The following ADCK1 variants were observed in gnomAD, a reference collection of about 807,000 sequenced individuals.
The protein encoded by ADCK1 is aarF domain containing kinase 1, also known as aarF domain-containing protein kinase 1.
ADCK1 carries 41 observed loss-of-function variants against 52.3 expected under a neutral mutation model. The ratio of observed to expected loss-of-function variants is 0.78; its 90% CI spans 0.61 to 1.02. ADCK1 has a LOEUF of 1.02. ADCK1 is among the 50% of genes least tolerant of loss of function. The probability of loss-of-function intolerance (pLI) is 0.00; values close to 1 mark genes in which losing one functional copy is unlikely to be tolerated. For missense variants in ADCK1, 658 were observed against 679.5 expected (o/e 0.97, Z 0.35); for synonymous variants, 250 against 274.6 (o/e 0.91, Z 0.89).
chr14:77,807,653 G>T (rs1202789264), intron 1 of ADCK1, among the ~76,000 whole-genome samples: 1 of 151,856 alleles, frequency 6.6e-6, no homozygotes, highest in Non-Finnish European at 1.5e-5. Context: ...GGGATTACAG[G>T]CATGTGCCAC....
intron 7 of ADCK1, among the ~76,000 whole-genome samples, chr14:77,918,126 T>C (rs1427246935): frequency 6.6e-6 from 1 of 152,210 alleles, no homozygotes; most frequent in Admixed American, 6.5e-5. Flanking sequence ...TTATTTGTCA[T>C]GCTGGACCCC....
intron 3 of ADCK1, among the ~76,000 whole-genome samples, chr14:77,828,807 G>A (rs955454427): frequency 1.3e-5 from 2 of 152,034 alleles, no homozygotes; most frequent in Non-Finnish European, 2.9e-5. Flanking sequence ...GATTACAGGC[G>A]TGAGCCACTG....
At chr14:77,840,300 G>T (rs2082040144) in intron 3 of ADCK1, among the ~76,000 whole-genome samples, 1 of 151,778 alleles carries the variant, frequency 6.6e-6, no homozygotes, top group Admixed American at 6.6e-5. Flanking sequence ...CAGCAGAGCT[G>T]CGATTCTTCT....
At chr14:77,894,733 C>CTTTTTTTTTTTTTTTTTTTTTTTT (rs1566710773) in intron 5 of ADCK1, among the ~76,000 whole-genome samples, 3 of 38,402 alleles carry the variant, frequency 7.8e-5, no homozygotes, top group Admixed American at 3.2e-4. Context: ...CTTTTCTTTT[C>CTTTTTTTTTTTTTTTTTTTTTTTT]TTGTTTTTTT....
intron 3 of ADCK1, among the ~76,000 whole-genome samples, chr14:77,850,657 T>C (rs1273634796): frequency 1.3e-5 from 2 of 149,102 alleles, no homozygotes; most frequent in African/African-American, 4.9e-5. Flanking sequence ...TCTTTTTTTT[T>C]TTTTTTTTTT....
In ADCK1 at chr14:77,895,760, A is replaced by G. The variant is rs143693726; in HGVS notation, c.583-3340A>G. On this transcript the variant is annotated intron_variant, in intron 5 of 10. Transcript: ENST00000238561. Reference sequence around the variant, plus strand: ...GAACTACTTGAACCCGACGACTCTTAACCTGACCCCCTCCCCACCCACTGA... The same window carrying G: ...GAACTACTTGAACCCGACGACTCTTGACCTGACCCCCTCCCCACCCACTGA... 3.0e-4 allele frequency among the ~76,000 whole-genome samples: 45 copies of G among 152,288 alleles called. No homozygotes were observed. The East Asian group carries it at 8.7e-3, about 29-fold the overall frequency.
chr14:77,817,686 C>T (rs888386478), intron 1 of ADCK1, among the ~76,000 whole-genome samples: 4 of 151,986 alleles, frequency 2.6e-5, no homozygotes, highest in African/African-American at 9.7e-5. Flanking sequence ...AGAGTAGTGA[C>T]AGTCATAGTG....
At chr14:77,809,212 C>T (rs1383201698) in intron 1 of ADCK1, among the ~76,000 whole-genome samples, 1 of 152,080 alleles carries the variant, frequency 6.6e-6, no homozygotes, top group African/African-American at 2.4e-5. Context: ...ACCAAGATAA[C>T]TTGAGTGGCA....
chr14:77,913,987 A>G (rs905916811), intron 7 of ADCK1, among the ~76,000 whole-genome samples: 8 of 152,144 alleles, frequency 5.3e-5, no homozygotes, highest in East Asian at 3.9e-4. Context: ...ATCAGTCTCC[A>G]TCTTCTGTCA....
chr14:77,803,439 G>T (rs1429807216), intron 1 of ADCK1, among the ~76,000 whole-genome samples: 2 of 152,302 alleles, frequency 1.3e-5, no homozygotes, highest in Admixed American at 6.5e-5. Context: ...TGACTCCGAT[G>T]AACAGTAAGT....
intron 3 of ADCK1, among the ~76,000 whole-genome samples, chr14:77,823,477 C>T (rs945064855): frequency 6.6e-6 from 1 of 152,296 alleles, no homozygotes; most frequent in East Asian, 1.9e-4. Context: ...GTAGAGAGAA[C>T]AGTAGAATGA....
At chr14:77,925,144 A>G (rs1414800313) in intron 8 of ADCK1, among the ~76,000 whole-genome samples, 1 of 152,228 alleles carries the variant, frequency 6.6e-6, no homozygotes, top group African/African-American at 2.4e-5. Context: ...TCCTTCTCTC[A>G]GTGACCTGAT....
chr14:77,837,720 A>G (rs17106446), intron 3 of ADCK1, among the ~76,000 whole-genome samples: 10,024 of 152,268 alleles, frequency 0.066, 782 homozygotes, highest in African/African-American at 0.19. Flanking sequence ...CATCAGAGCC[A>G]TCTGTCAAGC....
intron 4 of ADCK1, among the ~76,000 whole-genome samples, chr14:77,882,958 C>CG (rs1335074367): frequency 6.1e-5 from 1 of 16,364 alleles, no homozygotes; most frequent in African/African-American, 2.5e-4. Context: ...CTTACACCAC[C>CG]CCCCCCCCCG....
intron 4 of ADCK1, among the ~76,000 whole-genome samples, chr14:77,885,419 G>T (rs17753195): frequency 6.6e-6 from 1 of 152,204 alleles, no homozygotes; most frequent in Non-Finnish European, 1.5e-5. Flanking sequence ...TGACAGAGAA[G>T]CGTAGGCCTT....
intron 4 of ADCK1, among the ~76,000 whole-genome samples, chr14:77,882,887 A>G (rs760973142): frequency 3.9e-5 from 6 of 152,062 alleles, no homozygotes; most frequent in Non-Finnish European, 5.9e-5. Context: ...TCATGAAGCC[A>G]GACTGCTGAG....
chr14:77,921,333 A>AAAAAAAAAAAAAAAAAAG (rs2084050887), intron 7 of ADCK1, among the ~76,000 whole-genome samples: 2 of 134,844 alleles, frequency 1.5e-5, no homozygotes, highest in Non-Finnish European at 3.0e-5. Flanking sequence ...TCTCAAAAAA[A>AAAAAAAAAAAAAAAAAAG]AAAAAAAAAA....
chr14:77,920,953 A>G (rs10147153), intron 7 of ADCK1, among the ~76,000 whole-genome samples: 4,874 of 152,082 alleles, frequency 0.032, 243 homozygotes, highest in African/African-American at 0.11. Context: ...CCTGGCACAC[A>G]TTCTATATTT....
rs2084331414 is a variant in ADCK1, at chr14:77,931,451, C to T, written c.1207-67C>T. 5 of 1,513,182 alleles carry T rather than the reference C, an allele frequency of 3.3e-6. No individual in the cohort carries two copies. The South Asian group carries it at 5.0e-5, about 15-fold the overall frequency. 93.7% of individuals were successfully genotyped at this position (1,513,182 alleles called of 1,614,324 possible). On this transcript the variant is annotated intron_variant, in intron 9 of 10. Coordinates refer to ENST00000238561, the MANE Select transcript of ADCK1 (RefSeq NM_020421.4). ...AGCCCTCTGGTCACAGCCTGCCAGA[C>T]CCCTGCCACCCCTGGCCCCACTGCC... is the stretch of plus-strand genomic sequence containing the variant.
Sources: gnomAD v4.1 joint callset for allele counts (sites outside exome capture counted in the v4.1 genomes callset) on GRCh38, gnomAD v4.1.1 for gene constraint, MANE v1.5 for transcripts, NCBI Gene and HGNC (gene_info 2026-07-23, HGNC 2026-07-21) for gene names.